GRIK1: variants seen among roughly 807,000 people sequenced by gnomAD.
The protein encoded by GRIK1 is glutamate ionotropic receptor kainate type subunit 1, also known as glutamate receptor ionotropic, kainate 1.
A neutral mutation model predicts 105.7 loss-of-function variants in GRIK1; 69 were observed. The observed-to-expected ratio is 0.65, with a 90% CI of 0.54 to 0.80. The LOEUF (loss-of-function observed/expected upper bound fraction) is 0.80, where lower values mean the gene tolerates loss of function less well. GRIK1 is among the 30% of genes least tolerant of loss of function. The pLI, the probability that GRIK1 is intolerant of heterozygous loss-of-function variation, is 0.00. For synonymous variants in GRIK1, 438 were observed against 431.3 expected, an observed-to-expected ratio of 1.02 and a Z score of -0.19; for missense variants, 1,109 against 1,167.3, an observed-to-expected ratio of 0.95 and a Z score of 0.73.
chr21:29,654,821 A>G lies in GRIK1; in HGVS notation c.769T>C (p.Phe257Leu). The change falls in exon 5 of 18, where the codon TTC (phenylalanine) becomes CTC (leucine). Residue 257 changes from phenylalanine (F) to leucine (L), a missense_variant. This residue lies in a region of GRIK1 where 612 missense variants were observed against 586.0 expected (regional missense o/e 1.04). Transcript: ENST00000327783. The part of the protein sequence containing the change: ...GMMTEYYHYF[F>L]TTLDLFALDL... The stretch of plus-strand genomic sequence containing the variant: ...CCAGATGCACTTACCAGGGTTGTGA[A>G]AAAGTAGTGATAGTACTCGGTCATC... The G allele has an allele frequency of 6.3e-7, 1 of 1,577,306 alleles. No individual in the cohort carries two copies. Among genetic ancestry groups the G allele is most frequent in the Non-Finnish European group, 8.7e-7 (1 of 1,146,402 alleles).
Position 29,824,429 on chromosome 21 carries a change from C to T in GRIK1, c.118+114954G>A, listed in dbSNP as rs111766207. Among the ~76,000 whole-genome samples the T allele has an allele frequency of 8.1e-3, 1,234 of 151,752 alleles. 20 individuals are homozygous for T. Among genetic ancestry groups the T allele is most frequent in the African/African-American group, 0.028 (1,160 of 41,372 alleles). On this transcript the variant is annotated intron_variant, in intron 1 of 17. Coordinates refer to ENST00000327783, the MANE Select transcript of GRIK1 (RefSeq NM_001330994.2). ...ATTTCACTAGGGGAGACAAAAATACCAATGAAAAGTTAAACATATAAAAAA... is the reference window on the plus strand; with the variant it reads ...ATTTCACTAGGGGAGACAAAAATACTAATGAAAAGTTAAACATATAAAAAA...
At chr21:29,678,678 G>T (rs776994134) in intron 3 of GRIK1, among the ~76,000 whole-genome samples, 1 of 151,922 alleles carries the variant, frequency 6.6e-6, no homozygotes, top group African/African-American at 2.4e-5. Context: ...CATTTTTTTT[G>T]ATATTGAGTG....
chr21:29,555,397 G>A (rs576565453), intron 15 of GRIK1, 95 bp from the exon 16 acceptor site: 139 of 1,209,106 alleles, frequency 1.1e-4, no homozygotes, highest in Non-Finnish European at 1.5e-4. Flanking sequence ...ACTATGTTAC[G>A]GCTGTTGTGA....
At chr21:29,780,910 G>C (rs538687767) in intron 1 of GRIK1, among the ~76,000 whole-genome samples, 1 of 152,136 alleles carries the variant, frequency 6.6e-6, no homozygotes, top group African/African-American at 2.4e-5. Context: ...GAGAGGATCT[G>C]CTATTCCTGG....
intron 4 of GRIK1, among the ~76,000 whole-genome samples, chr21:29,660,663 A>G (rs761246060): frequency 1.3e-5 from 2 of 152,192 alleles, no homozygotes; most frequent in South Asian, 2.1e-4. Context: ...TAATATTTAT[A>G]TGGTTTTTTA....
intron 1 of GRIK1, among the ~76,000 whole-genome samples, chr21:29,937,437 A>G (rs1295396921): frequency 5.3e-5 from 8 of 152,218 alleles, no homozygotes. Flanking sequence ...ATCTTGTTGC[A>G]TATATTTGTA....
intron 1 of GRIK1, among the ~76,000 whole-genome samples, chr21:29,794,829 A>G (rs1407193698): frequency 6.6e-6 from 1 of 152,062 alleles, no homozygotes; most frequent in South Asian, 2.1e-4. Flanking sequence ...TCCAGAGACA[A>G]CTAGTGAAAG....
chr21:29,876,297 T>G (rs2069189525), intron 1 of GRIK1, among the ~76,000 whole-genome samples: 1 of 152,146 alleles, frequency 6.6e-6, no homozygotes, highest in South Asian at 2.1e-4. Context: ...GTGTGATATC[T>G]GGCATGCACT....
In GRIK1 at chr21:29,686,856, T is replaced by A. The variant is rs142316880; in HGVS notation, c.544+2872A>T. On this transcript the variant is annotated intron_variant, in intron 3 of 17. Transcript: ENST00000327783. ...TGCAGTTGAGGCTCAGCTTCTCAGC[T>A]CTTTTTGCTGTATGTGAAGTGATAG... Among the ~76,000 whole-genome samples the A allele has an allele frequency of 1.1e-3, 165 of 152,288 alleles. 2 individuals are homozygous for A. The Middle Eastern group carries it at 0.014, about 13-fold the overall frequency.
intron 15 of GRIK1, among the ~76,000 whole-genome samples, chr21:29,560,482 C>CCTTT (rs1280879301): frequency 3.7e-5 from 4 of 108,722 alleles, no homozygotes; most frequent in Admixed American, 2.8e-4. Flanking sequence ...TCTCTCTCTC[C>CCTTT]CTTTCTTTCT....
At chr21:29,798,643 T>G (rs2051785766) in intron 1 of GRIK1, among the ~76,000 whole-genome samples, 1 of 152,182 alleles carries the variant, frequency 6.6e-6, no homozygotes, top group South Asian at 2.1e-4. Context: ...TCTCAAAGAA[T>G]TTTAGAGTGA....
chr21:29,717,583 GC>G (rs1314801843), intron 1 of GRIK1, among the ~76,000 whole-genome samples: 1 of 152,218 alleles, frequency 6.6e-6, no homozygotes, highest in African/African-American at 2.4e-5. Flanking sequence ...GGGGCCTGTG[GC>G]CCCTTTGTTT....
chr21:29,760,527 G>A (rs1393480161), intron 1 of GRIK1: 1 of 152,196 alleles, frequency 6.6e-6, no homozygotes, highest in African/African-American at 2.4e-5. Flanking sequence ...GTTTTCAAAC[G>A]TTCCCATTTC....
intron 1 of GRIK1, among the ~76,000 whole-genome samples, chr21:29,897,353 T>TTAAGATAA (rs2070208038): frequency 6.6e-6 from 1 of 152,182 alleles, no homozygotes; most frequent in Non-Finnish European, 1.5e-5. Flanking sequence ...GATCCTGACG[T>TTAAGATAA]TGAAATATTA....
At chr21:29,620,901 A>C (rs2061985972) in intron 7 of GRIK1, among the ~76,000 whole-genome samples, 1 of 140,266 alleles carries the variant, frequency 7.1e-6, no homozygotes, top group South Asian at 2.2e-4. Context: ...GATATATATC[A>C]TATATGTAAT....
At chr21:29,929,229 C>T (rs1295374749) in intron 1 of GRIK1, among the ~76,000 whole-genome samples, 1 of 152,150 alleles carries the variant, frequency 6.6e-6, no homozygotes, top group Non-Finnish European at 1.5e-5. Context: ...AGCTAAGAAC[C>T]ACCGGAAGTG....
chr21:29,871,129 T>G (rs1376439952), intron 1 of GRIK1, among the ~76,000 whole-genome samples: 1 of 152,204 alleles, frequency 6.6e-6, no homozygotes. Flanking sequence ...TGGCCCCACA[T>G]GTCCACCTGA....
chr21:29,936,977 T>A (rs892155007), intron 1 of GRIK1, among the ~76,000 whole-genome samples: 2 of 152,190 alleles, frequency 1.3e-5, no homozygotes, highest in Non-Finnish European at 2.9e-5. Flanking sequence ...TTTTATTGGT[T>A]GGTTGATTGT....
At chr21:29,720,690 C>T (rs2064297817) in intron 1 of GRIK1, among the ~76,000 whole-genome samples, 1 of 152,080 alleles carries the variant, frequency 6.6e-6, no homozygotes, top group Non-Finnish European at 1.5e-5. Flanking sequence ...TACTCAGCTT[C>T]GATCACCTCC....
Sources: allele counts gnomAD v4.1 joint callset (sites outside exome capture counted in the v4.1 genomes callset), GRCh38; gene constraint gnomAD v4.1.1; regional missense constraint gnomAD v4.1.1; transcripts MANE v1.5; gene names NCBI Gene and HGNC (gene_info 2026-07-23, HGNC 2026-07-21).